Variants in KIF16B observed in about 807,000 individuals in gnomAD.
The protein encoded by KIF16B is kinesin family member 16B, also known as kinesin-like protein KIF16B.
KIF16B carries 98 observed loss-of-function variants against 156.3 expected under a neutral mutation model. The ratio of observed to expected loss-of-function variants is 0.63; its 90% CI spans 0.53 to 0.74. The LOEUF (loss-of-function observed/expected upper bound fraction) is 0.74. Among genes scored for constraint, KIF16B ranks in the 30% least tolerant of loss-of-function variants. The pLI is 0.00. For missense variants in KIF16B, 1,421 were observed against 1,606.5 expected (o/e 0.88, Z 1.97); for synonymous variants, 564 against 583.7 (o/e 0.97, Z 0.49).
intron 15 of KIF16B, among the ~76,000 whole-genome samples, chr20:16,413,812 T>C (rs935507778): frequency 2.0e-5 from 3 of 151,500 alleles, no homozygotes; most frequent in East Asian, 3.9e-4. Context: ...GTTATCATTT[T>C]AGATGTGACA....
At chr20:16,282,809 G>A (rs1021493396) in intron 25 of KIF16B, among the ~76,000 whole-genome samples, 3 of 152,166 alleles carry the variant, frequency 2.0e-5, no homozygotes, top group African/African-American at 7.2e-5. Context: ...ACTGTGCGCT[G>A]GTGGTGGTAT....
chr20:16,536,091 T>A (rs1457087313), intron 1 of KIF16B, among the ~76,000 whole-genome samples: 2 of 152,160 alleles, frequency 1.3e-5, no homozygotes, highest in East Asian at 3.9e-4. Context: ...AACGTAAGTG[T>A]CCAACAATGA....
At chr20:16,440,974 TG>T (rs2146527489) in intron 12 of KIF16B, among the ~76,000 whole-genome samples, 1 of 152,298 alleles carries the variant, frequency 6.6e-6, no homozygotes, top group East Asian at 1.9e-4. Context: ...AGAAATTACG[TG>T]TGAAAATATG....
At chr20:16,337,347 A>G (rs969013875) in intron 23 of KIF16B, among the ~76,000 whole-genome samples, 1 of 152,188 alleles carries the variant, frequency 6.6e-6, no homozygotes, top group African/African-American at 2.4e-5. Flanking sequence ...CTTTGTAAGG[A>G]GGAGTGAGTC....
intron 23 of KIF16B, among the ~76,000 whole-genome samples, chr20:16,343,557 A>T (rs1201499751): frequency 6.6e-6 from 1 of 152,242 alleles, no homozygotes. Context: ...TAGAAGAAAT[A>T]GTCTAATAGC....
At chr20:16,547,054 G>C (rs754865929) in intron 1 of KIF16B, among the ~76,000 whole-genome samples, 4 of 152,188 alleles carry the variant, frequency 2.6e-5, no homozygotes, top group Non-Finnish European at 5.9e-5. Flanking sequence ...TGGGATTACA[G>C]GTGTGAGCCA....
At chr20:16,367,050 T>C in intron 22 of KIF16B, 1 of 1,411,254 alleles carries the variant, frequency 7.1e-7, no homozygotes, top group Non-Finnish European at 9.2e-7. Flanking sequence ...TTCAATTAGC[T>C]ACACGGAGAT....
intron 25 of KIF16B, among the ~76,000 whole-genome samples, chr20:16,307,832 T>C (rs2063563280): frequency 1.3e-5 from 2 of 152,280 alleles, no homozygotes; most frequent in South Asian, 4.2e-4. Flanking sequence ...ATGGTTCAGC[T>C]TCAGATGTTT....
intron 1 of KIF16B, among the ~76,000 whole-genome samples, chr20:16,533,954 A>G (rs1487205355): frequency 6.6e-6 from 1 of 151,400 alleles, no homozygotes; most frequent in African/African-American, 2.4e-5. Context: ...TTTAAAAAAA[A>G]ATAAAAAATA....
chr20:16,301,238 C>T (rs953592008), intron 25 of KIF16B, among the ~76,000 whole-genome samples: 1 of 152,184 alleles, frequency 6.6e-6, no homozygotes, highest in African/African-American at 2.4e-5. Flanking sequence ...CATTTACCTA[C>T]CAAAGGATAT....
At chr20:16,371,882 C>A in intron 20 of KIF16B, 121 bp from the exon 21 acceptor site, 1 of 646,468 alleles carries the variant, frequency 1.5e-6, no homozygotes, top group Non-Finnish European at 2.8e-6. Flanking sequence ...CCAAACCTAA[C>A]AACAACTTGA....
chr20:16,433,598 C>T (rs73095069), intron 12 of KIF16B, among the ~76,000 whole-genome samples: 2 of 132,272 alleles, frequency 1.5e-5, no homozygotes, highest in East Asian at 4.5e-4. Flanking sequence ...CACACACACA[C>T]AGAGACACAC....
At chr20:16,369,327 T>G in intron 22 of KIF16B, 1 of 974,044 alleles carries the variant, frequency 1.0e-6, no homozygotes, top group Non-Finnish European at 1.2e-6. Context: ...GTGATTCTTT[T>G]GCACATGATG....
chr20:16,343,224 A>G (rs577908255), intron 23 of KIF16B, among the ~76,000 whole-genome samples: 1 of 152,216 alleles, frequency 6.6e-6, no homozygotes, highest in Non-Finnish European at 1.5e-5. Context: ...CGCAACTTAA[A>G]CGCCATAAAC....
chr20:16,390,602 TC>T (rs1162275048), intron 17 of KIF16B, among the ~76,000 whole-genome samples: 1 of 152,196 alleles, frequency 6.6e-6, no homozygotes, highest in Admixed American at 6.5e-5. Context: ...GCCCACCTCT[TC>T]CAACTCCTCA....
chr20:16,389,880 G>C (rs939958375), intron 17 of KIF16B, among the ~76,000 whole-genome samples: 11 of 152,128 alleles, frequency 7.2e-5, no homozygotes, highest in Non-Finnish European at 1.5e-4. Flanking sequence ...TTAGCTCTCA[G>C]GTAAACTTTC....
chr20:16,523,247 C>G (rs2069415502), intron 3 of KIF16B, among the ~76,000 whole-genome samples: 1 of 152,144 alleles, frequency 6.6e-6, no homozygotes, highest in Non-Finnish European at 1.5e-5. Flanking sequence ...GTCAAATTGT[C>G]TCTGTTTCAC....
chr20:16,429,799 C>T lies in KIF16B; in HGVS notation c.1422+64G>A, dbSNP rs1034202305. Reference sequence around the variant, plus strand: ...ATGACCATAGAATATTATAATAAACCTAGTTAGTGTCTAATGGAGAAACTG... The same window carrying T: ...ATGACCATAGAATATTATAATAAACTTAGTTAGTGTCTAATGGAGAAACTG... On this transcript the variant is annotated intron_variant, in intron 13 of 25. Coordinates refer to ENST00000354981, the MANE Select transcript of KIF16B (RefSeq NM_024704.5). 2.2e-6 allele frequency: 3 copies of T among 1,373,654 alleles called. No individual in the cohort carries two copies. In the East Asian group the frequency reaches 7.1e-5, roughly 32 times the overall value. The allele number at this position is 1,373,654 out of a possible 1,614,324, so 85.1% of individuals were successfully genotyped here.
intron 24 of KIF16B, among the ~76,000 whole-genome samples, chr20:16,317,155 C>T (rs534326120): frequency 6.6e-6 from 1 of 152,234 alleles, no homozygotes; most frequent in Admixed American, 6.5e-5. Context: ...TTTATATTTA[C>T]ACATTTTCAT....
Sources: gnomAD v4.1 joint callset for allele counts (sites outside exome capture counted in the v4.1 genomes callset) on GRCh38, gnomAD v4.1.1 for gene constraint, MANE v1.5 for transcripts, NCBI Gene and HGNC (gene_info 2026-07-23, HGNC 2026-07-21) for gene names.